The following DHX37 variants were observed in gnomAD, a reference collection of about 807,000 sequenced individuals.
DHX37 encodes DEAH-box helicase 37.
Under a neutral mutation model 134.3 loss-of-function variants are expected in DHX37, and 52 were observed. The ratio of observed to expected loss-of-function variants is 0.39; its 90% confidence interval spans 0.31 to 0.49. DHX37 has a LOEUF of 0.49. Ranked by LOEUF, DHX37 falls within the 20% of genes least tolerant of loss-of-function variation. The pLI is 0.93. For missense variants in DHX37, 1,344 were observed against 1,580.8 expected (o/e 0.85, Z 2.54); for synonymous variants, 634 against 670.7 (o/e 0.95, Z 0.85).
intron 25 of DHX37, 143 bp from the exon 26 acceptor site, chr12:124,948,324 C>A (rs1953912664): frequency 4.3e-6 from 6 of 1,394,220 alleles, no homozygotes; most frequent in Non-Finnish European, 5.7e-6. Context: ...GTGACATGCA[C>A]CTGTAGCCCC....
chr12:124,986,910 C>A (rs1954883426), intron 1 of DHX37, among the ~76,000 whole-genome samples: 1 of 151,872 alleles, frequency 6.6e-6, no homozygotes, highest in Non-Finnish European at 1.5e-5. Context: ...CACGCCCCAG[C>A]TAATTTTTGT....
Position 124,956,797 on chromosome 12 carries a change from G to A in DHX37, c.2347C>T (p.Arg783Cys), listed in dbSNP as rs761194412. Reference protein sequence around the residue: ...RTMATFPVAPRYAKMLALSRQ... With the variant: ...RTMATFPVAPCYAKMLALSRQ... ...CTCAGTGCCAGCATCTTAGCGTAGC[G>A]GGGTGCCACGGGGAATGTGGCCATT... The change falls in exon 18 of 27, where the codon CGC becomes TGC. Residue 783 changes from arginine (R) to cysteine (C), a missense_variant. Transcript: ENST00000308736. 9.3e-6 allele frequency: 15 copies of A among 1,611,804 alleles called. No individual in the cohort carries two copies. The highest frequency in any genetic ancestry group is 1.6e-4 in the Middle Eastern group (1 of 6,068).
rs1376147684 is a variant in DHX37, at chr12:124,980,558, G to C, written c.670C>G (p.Pro224Ala). The C allele has an allele frequency of 6.2e-7, 1 of 1,612,246 alleles. No individual in the cohort carries two copies. The highest frequency in any genetic ancestry group is 2.2e-5 in the East Asian group (1 of 44,870). ...TTAGCCAGGGCCCTGGGCAGTGGTGGGGCTGCAGCTGGAGGAGGAGGAACA... is the reference window on the plus strand; with the variant it reads ...TTAGCCAGGGCCCTGGGCAGTGGTGCGGCTGCAGCTGGAGGAGGAGGAACA... ...MTVPPPPAAAPPLPRALAKPA... is the reference protein window; with the variant it reads ...MTVPPPPAAAAPLPRALAKPA... The change falls in exon 4 of 27, where the codon CCA becomes GCA. Residue 224 changes from proline to alanine, a missense_variant. By Grantham distance (27) the Pro-to-Ala change is conservative (BLOSUM62 -1). This residue lies in a region of DHX37 where 319 missense variants were observed against 296.1 expected (regional missense o/e 1.08). Coordinates refer to ENST00000308736, the MANE Select transcript of DHX37 (RefSeq NM_032656.4). This position sits in a 1 kb window ranked among gnomAD's most constrained non-coding sequence, Gnocchi z 5.3.
intron 20 of DHX37, 69 bp from the exon 21 acceptor site, chr12:124,952,639 G>T: frequency 1.4e-6 from 2 of 1,471,632 alleles, no homozygotes; most frequent in Non-Finnish European, 1.8e-6. Context: ...TGACCTCCTA[G>T]AAAGTCCCAA....
chr12:124,971,422 G>A lies in DHX37; in HGVS notation c.1078-7C>T. 5 of 1,612,492 alleles carry A rather than the reference G, an allele frequency of 3.1e-6. No individual in the cohort carries two copies. The South Asian group carries it at 3.3e-5, about 11-fold the overall frequency. On this transcript the variant is annotated splice_region_variant and splice_polypyrimidine_tract_variant and intron_variant, in intron 7 of 26. Coordinates refer to ENST00000308736, the MANE Select transcript of DHX37 (RefSeq NM_032656.4). ...ACCGCAGCAGCAGGAAGTCCTGGGG[G>A]GAGGTCCGGGGTGAGGCCCACCCTT...
At chr12:124,965,635 G>C in intron 13 of DHX37, 33 bp downstream of exon 13, 1 of 1,572,712 alleles carries the variant, frequency 6.4e-7, no homozygotes, top group Non-Finnish European at 8.7e-7. Context: ...CAGAGATAAT[G>C]AACATGAGCA....
intron 1 of DHX37, among the ~76,000 whole-genome samples, chr12:124,987,531 G>A (rs962490242): frequency 2.0e-5 from 3 of 152,168 alleles, no homozygotes; most frequent in African/African-American, 7.2e-5. Flanking sequence ...TCAGCCCAGT[G>A]TCTACGGCTG....
rs566799265 is a variant in DHX37, at chr12:124,965,651, C to T, written c.1735+17G>A. 3.3e-5 allele frequency: 53 copies of T among 1,587,914 alleles called. No homozygotes were observed. Among genetic ancestry groups the T allele is most frequent in the Non-Finnish European group, 3.6e-5 (42 of 1,164,478 alleles). On this transcript the variant is annotated intron_variant, in intron 13 of 26. Transcript: ENST00000308736. ...AGAGATAATGAACATGAGCAGGAAT[C>T]GGTGCTCGGGCCACACCTCCATCTT...
chr12:124,987,956 A>AT (rs1249340512), intron 1 of DHX37, among the ~76,000 whole-genome samples: 1 of 143,764 alleles, frequency 7.0e-6, no homozygotes, highest in Non-Finnish European at 1.5e-5. Flanking sequence ...ATGTTAGGGG[A>AT]TCTGCCTCAA....
rs530716880 is a variant in DHX37 at position 124,971,263 on chromosome 12, T to G, written c.1191+39A>C. 17 of 1,597,522 alleles carry G rather than the reference T, an allele frequency of 1.1e-5. No individual in the cohort carries two copies. In the South Asian group the frequency reaches 1.7e-4, roughly 16 times the overall value. ...GCCTCTGACAGAGCTGGGGGGGGCC[T>G]AGGGCTCGGGGCTCCCCAGCACCCG... On this transcript the variant is annotated intron_variant, in intron 8 of 26. Coordinates refer to ENST00000308736, the MANE Select transcript of DHX37 (RefSeq NM_032656.4).
intron 9 of DHX37, 80 bp downstream of exon 9, chr12:124,968,787 T>G: frequency 6.3e-7 from 1 of 1,597,794 alleles, no homozygotes; most frequent in South Asian, 1.1e-5. Context: ...TGTGACCAAG[T>G]GAGGTCTCTC....
intron 8 of DHX37, among the ~76,000 whole-genome samples, chr12:124,969,990 T>G (rs2135952739): frequency 6.6e-6 from 1 of 152,238 alleles, no homozygotes; most frequent in East Asian, 1.9e-4. Context: ...TTTTTGTTTT[T>G]CAGATGAAGT....
intron 15 of DHX37, among the ~76,000 whole-genome samples, chr12:124,963,878 C>CAAAAAAAAAAAAAAAAAAAAAAAAA (rs71092251): frequency 1.1e-5 from 1 of 91,664 alleles, no homozygotes. Context: ...AGACTCGTCT[C>CAAAAAAAAAAAAAAAAAAAAAAAAA]AAAAAAAAAA....
In DHX37 at chr12:124,956,855, C is replaced by T. The variant is rs1434199450; in HGVS notation, c.2289G>A (p.Arg763=). 2 of 1,598,760 alleles carry T rather than the reference C, an allele frequency of 1.3e-6. No homozygotes were observed. The highest frequency in any genetic ancestry group is 1.7e-6 in the Non-Finnish European group (2 of 1,169,110). The change falls in exon 18 of 27, where the codon CGG becomes CGA. Residue 763 remains arginine, a synonymous_variant. Coordinates refer to ENST00000308736, the MANE Select transcript of DHX37 (RefSeq NM_032656.4). ...AERVKQLQEN[R]LSCPITALGR... Reference sequence around the variant, plus strand: ...CCAGCGCAGTGATGGGGCAGCTCAGCCGGTTCTCCTGCAGTTGCTTCACCC... The same window carrying T: ...CCAGCGCAGTGATGGGGCAGCTCAGTCGGTTCTCCTGCAGTTGCTTCACCC...
intron 3 of DHX37, among the ~76,000 whole-genome samples, chr12:124,982,279 C>T (rs1429938639): frequency 6.6e-6 from 1 of 152,140 alleles, no homozygotes; most frequent in Non-Finnish European, 1.5e-5. Context: ...AGGAAAACAC[C>T]GACATCACTG....
chr12:124,985,226 A>G (rs1954842928), intron 2 of DHX37, among the ~76,000 whole-genome samples: 1 of 152,158 alleles, frequency 6.6e-6, no homozygotes, highest in Admixed American at 6.6e-5. Context: ...GGAAACTAGT[A>G]CAGATTCACT....
chr12:124,981,556 G>A (rs889485332), intron 3 of DHX37, among the ~76,000 whole-genome samples: 15 of 151,778 alleles, frequency 9.9e-5, no homozygotes, highest in African/African-American at 3.4e-4. Flanking sequence ...CACCTCAGCC[G>A]CCAGAGTAGC....
At chr12:124,955,132 TTA>T (rs1350463489) in intron 18 of DHX37, among the ~76,000 whole-genome samples, 3 of 152,246 alleles carry the variant, frequency 2.0e-5, no homozygotes, top group African/African-American at 7.2e-5. Flanking sequence ...TAATGGTTAA[TTA>T]TGTGTCCACT....
intron 12 of DHX37, 43 bp downstream of exon 12, chr12:124,966,750 C>T (rs765460345): frequency 1.9e-5 from 31 of 1,595,924 alleles, no homozygotes; most frequent in African/African-American, 4.0e-5. Context: ...TCCTGGACAA[C>T]GCAGCCTTAC....
Sources: allele counts gnomAD v4.1 joint callset (sites outside exome capture counted in the v4.1 genomes callset), GRCh38; gene constraint gnomAD v4.1.1; regional missense constraint gnomAD v4.1.1; non-coding constraint Gnocchi (gnomAD v3.1); transcripts MANE v1.5; gene names NCBI Gene and HGNC (gene_info 2026-07-23, HGNC 2026-07-21).